TVP23B: variants seen among roughly 807,000 people sequenced by gnomAD.
TVP23B encodes trans-golgi network vesicle protein 23 homolog B, also known as Golgi apparatus membrane protein TVP23 homolog B.
A neutral mutation model predicts 30.6 loss-of-function variants in TVP23B; 10 were observed. The observed-to-expected ratio is 0.33, with a 90% confidence interval of 0.20 to 0.55. The LOEUF (loss-of-function observed/expected upper bound fraction) is 0.55, where lower values mean the gene tolerates loss of function less well. Ranked by LOEUF, TVP23B falls within the 20% of genes least tolerant of loss-of-function variation. The pLI, the probability that TVP23B is intolerant of heterozygous loss-of-function variation, is 0.91. For synonymous variants in TVP23B, 67 were observed against 83.1 expected, an observed-to-expected ratio of 0.81 and a Z score of 1.06; for missense variants, 153 against 243.2, an observed-to-expected ratio of 0.63 and a Z score of 2.47.
rs1288853492 is a variant in TVP23B, at chr17:18,804,182, T to C, written c.507T>C (p.Tyr169=). The C allele has an allele frequency of 1.2e-6, 2 of 1,613,458 alleles. No homozygotes were observed. The highest frequency in any genetic ancestry group is 1.7e-6 in the Non-Finnish European group (2 of 1,179,724). ...MGVVLQGANL[Y]GYIRCKVRSR... is the part of the protein sequence containing the mutation. ...TGGTGCTACAAGGTGCCAACCTGTA[T>C]GGTTACATCAGGTGTAAGGTGCGCA... The change falls in exon 6 of 7, where the codon TAT becomes TAC. Residue 169 remains tyrosine (Y), a synonymous_variant. Coordinates refer to ENST00000307767, the MANE Select transcript of TVP23B (RefSeq NM_016078.6).
intron 5 of TVP23B, 68 bp downstream of exon 5, chr17:18,799,011 A>G (rs1304420662): frequency 1.3e-6 from 2 of 1,549,016 alleles, no homozygotes; most frequent in Non-Finnish European, 1.7e-6. Flanking sequence ...GGAAGCAACA[A>G]CTACAACTGA....
At chr17:18,784,234 A>G (rs1031418017) in intron 1 of TVP23B, among the ~76,000 whole-genome samples, 2 of 152,154 alleles carry the variant, frequency 1.3e-5, no homozygotes, top group African/African-American at 2.4e-5. Context: ...GACTTGTATC[A>G]TATATGCTTG....
At chr17:18,801,835 T>A (rs1274206189) in intron 5 of TVP23B, among the ~76,000 whole-genome samples, 1 of 152,230 alleles carries the variant, frequency 6.6e-6, no homozygotes, top group African/African-American at 2.4e-5. Context: ...ACACTAAGCA[T>A]GTAGGAGTTA....
chr17:18,798,997 C>T, intron 5 of TVP23B, 54 bp downstream of exon 5: 2 of 1,567,766 alleles, frequency 1.3e-6, no homozygotes. Context: ...TGATGGTAAT[C>T]ATAGGAAGCA....
chr17:18,784,076 C>T lies in TVP23B; in HGVS notation c.12+2771C>T, dbSNP rs542733510. Among the ~76,000 whole-genome samples the T allele has an allele frequency of 4.1e-4, 63 of 152,160 alleles. 1 individual carries two copies. The highest frequency in any genetic ancestry group is 1.3e-3 in the African/African-American group (54 of 41,514). ...AGGAGAATGGCATAAACCTGGGAGG[C>T]GGAGCTTGCAGTGAGCCGAGATCGC... On this transcript the variant is annotated intron_variant, in intron 1 of 6. Transcript: ENST00000307767.
intron 3 of TVP23B, among the ~76,000 whole-genome samples, chr17:18,795,385 T>TA (rs398030483): frequency 2.0e-5 from 3 of 152,174 alleles, no homozygotes; most frequent in Non-Finnish European, 4.4e-5. Flanking sequence ...ACTATTTTTT[T>TA]ACTTGAGCAA....
At chr17:18,790,872 C>G in intron 2 of TVP23B, 24 bp from the exon 3 acceptor site, 1 of 1,595,324 alleles carries the variant, frequency 6.3e-7, no homozygotes, top group Non-Finnish European at 8.5e-7. Flanking sequence ...AATTGCATTT[C>G]TTTCATTGTG....
chr17:18,788,766 G>A (rs2035949077), intron 1 of TVP23B, among the ~76,000 whole-genome samples: 1 of 152,164 alleles, frequency 6.6e-6, no homozygotes, highest in Admixed American at 6.5e-5. Flanking sequence ...TGGGTGATGA[G>A]CAAAACTCCA....
intron 6 of TVP23B, among the ~76,000 whole-genome samples, chr17:18,805,331 T>A (rs1186359740): frequency 3.2e-4 from 49 of 150,778 alleles, no homozygotes; most frequent in African/African-American, 1.0e-3. Context: ...TGATCCACCC[T>A]CCTCGGCCTC....
intron 5 of TVP23B, among the ~76,000 whole-genome samples, chr17:18,799,422 T>C (rs1338327942): frequency 6.6e-6 from 1 of 152,070 alleles, no homozygotes; most frequent in Admixed American, 6.6e-5. Context: ...TGCCTTCGTT[T>C]GGGCTTCTTC....
At chr17:18,784,807 T>C (rs1597613234) in intron 1 of TVP23B, among the ~76,000 whole-genome samples, 2 of 152,214 alleles carry the variant, frequency 1.3e-5, no homozygotes, top group African/African-American at 2.4e-5. Flanking sequence ...GGTACTTCTT[T>C]TTCAGTCCCC....
chr17:18,781,337 C>G (rs780143011), intron 1 of TVP23B, 32 bp downstream of exon 1: 2 of 1,569,132 alleles, frequency 1.3e-6, no homozygotes, highest in South Asian at 2.3e-5. Context: ...GGGAGGGTGG[C>G]GGCTCCTGGG....
chr17:18,801,304 G>A (rs549585233), intron 5 of TVP23B, among the ~76,000 whole-genome samples: 1 of 152,078 alleles, frequency 6.6e-6, no homozygotes, highest in East Asian at 1.9e-4. Context: ...TGTATACTAT[G>A]CTTCTTTTTT....
intron 1 of TVP23B, among the ~76,000 whole-genome samples, chr17:18,782,760 G>A (rs530923931): frequency 1.3e-5 from 2 of 152,006 alleles, no homozygotes; most frequent in South Asian, 4.2e-4. Flanking sequence ...CTGGCATGGC[G>A]CTGATGGGAG....
chr17:18,781,301 A>G lies in TVP23B; in HGVS notation c.8A>G (p.Gln3Arg). The stretch of plus-strand genomic sequence containing the variant: ...GGCTGGCGTAGGGCCGCCATGTTGC[A>G]GCAGGTGAGGGGCTGAGGGCTCGCT... ML[Q>R]QDSNDDTEDV... Residue 3 changes from glutamine (Q) to arginine (R), a missense_variant, in exon 1 of 7, where the codon CAG (glutamine) becomes CGG (arginine). Coordinates refer to ENST00000307767, the MANE Select transcript of TVP23B (RefSeq NM_016078.6). 1.9e-6 allele frequency: 3 copies of G among 1,579,432 alleles called. No individual in the cohort carries two copies. The highest frequency in any genetic ancestry group is 2.6e-6 in the Non-Finnish European group (3 of 1,163,650).
chr17:18,806,135 A>C lies in TVP23B; in HGVS notation c.*568A>C, dbSNP rs1405552490. 3.2e-6 allele frequency: 3 copies of C among 932,308 alleles called. No homozygotes were observed. The highest frequency in any genetic ancestry group is 4.9e-5 in the South Asian group (1 of 20,222). 57.8% of individuals were successfully genotyped at this position (932,308 alleles called of 1,614,324 possible). ...GAAAACAATTAGGGCCAGTGGTATT[A>C]ACTACTTTATAAAATTTTATTTTTG... On this transcript the variant is annotated 3_prime_UTR_variant, in exon 7 of 7. Transcript: ENST00000307767.
chr17:18,788,850 A>G (rs1216652669), intron 1 of TVP23B, among the ~76,000 whole-genome samples: 1 of 152,054 alleles, frequency 6.6e-6, no homozygotes, highest in East Asian at 1.9e-4. Flanking sequence ...ACAGGGGAAA[A>G]TGATGAAACA....
Position 18,781,197 on chromosome 17 carries a change from T to C in TVP23B, c.-97T>C, listed in dbSNP as rs2035798451. On this transcript the variant is annotated 5_prime_UTR_variant, in exon 1 of 7. Transcript: ENST00000307767. ...GGACTGAGGCTCTTACAGTGGTCCC[T>C]GCTGGCCCTTGGTGACGGGTCGCCT... 4 of 1,536,390 alleles carry C rather than the reference T, an allele frequency of 2.6e-6. No individual in the cohort carries two copies. In the Admixed American group the frequency reaches 8.0e-5, roughly 31 times the overall value.
chr17:18,789,096 T>G, intron 1 of TVP23B: 1 of 492,628 alleles, frequency 2.0e-6, no homozygotes, highest in Non-Finnish European at 3.6e-6. Flanking sequence ...ATCTGCACCC[T>G]AGAGTTTTCT....
Sources: allele counts gnomAD v4.1 joint callset (sites outside exome capture counted in the v4.1 genomes callset), GRCh38; gene constraint gnomAD v4.1.1; transcripts MANE v1.5; gene names NCBI Gene and HGNC (gene_info 2026-07-23, HGNC 2026-07-21).